Variants in PPFIBP1 observed in about 807,000 individuals in gnomAD.
The protein encoded by PPFIBP1 is PPFIB scaffold protein 1.
Under a neutral mutation model 137.8 loss-of-function variants are expected in PPFIBP1, and 112 were observed. The observed-to-expected ratio is 0.81, with a 90% confidence interval of 0.70 to 0.95. The LOEUF is 0.95. PPFIBP1 is among the 40% of genes least tolerant of loss of function. The pLI, the probability that PPFIBP1 is intolerant of heterozygous loss-of-function variation, is 0.00. For synonymous variants in PPFIBP1, 378 were observed against 417.3 expected (o/e 0.91, Z 1.15); for missense variants, 1,083 against 1,196.6 (o/e 0.91, Z 1.40).
Position 27,656,664 on chromosome 12 carries a change from G to A in PPFIBP1, c.745G>A (p.Val249Ile). 6.2e-7 allele frequency: 1 copy of A among 1,613,062 alleles called. No homozygotes were observed. Among genetic ancestry groups the A allele is most frequent in the Non-Finnish European group, 8.5e-7 (1 of 1,179,200 alleles). Residue 249 changes from valine (V) to isoleucine (I), a missense_variant, in exon 9 of 30, where the codon GTA (valine) becomes ATA (isoleucine). Val to Ile is a conservative substitution (Grantham distance 29, BLOSUM62 3). Coordinates refer to ENST00000228425, the MANE Select transcript of PPFIBP1 (RefSeq NM_003622.4). ...ACAACTAGAAGAAAAGGAATCTGAA[G>A]TAAAAAGGCTACAAGAAAAATTGGT... ...KEQLEEKESE[V>I]KRLQEKLVCK...
intron 1 of PPFIBP1, among the ~76,000 whole-genome samples, chr12:27,532,345 A>T (rs368450052): frequency 6.6e-6 from 1 of 152,122 alleles, no homozygotes; most frequent in Non-Finnish European, 1.5e-5. Context: ...GATGTCTATT[A>T]TATATATTTT....
intron 1 of PPFIBP1, among the ~76,000 whole-genome samples, chr12:27,531,128 C>G (rs1944371157): frequency 6.6e-6 from 1 of 152,128 alleles, no homozygotes; most frequent in East Asian, 1.9e-4. Flanking sequence ...AAAAACAGGA[C>G]TTTGGAGCCA....
At chr12:27,569,366 A>G (rs1392264193) in intron 1 of PPFIBP1, among the ~76,000 whole-genome samples, 1 of 152,210 alleles carries the variant, frequency 6.6e-6, no homozygotes, top group Non-Finnish European at 1.5e-5. Flanking sequence ...TCTTTCATAC[A>G]ACACAAATAG....
intron 1 of PPFIBP1, among the ~76,000 whole-genome samples, chr12:27,533,507 A>G (rs528395194): frequency 6.6e-6 from 1 of 152,328 alleles, no homozygotes; most frequent in African/African-American, 2.4e-5. Context: ...GAACTCAGGC[A>G]GGTGCAGCTC....
chr12:27,634,816 C>T (rs559595886), intron 3 of PPFIBP1, 94 bp from the exon 4 acceptor site: 5 of 999,518 alleles, frequency 5.0e-6, no homozygotes, highest in African/African-American at 1.6e-5. Context: ...TTTGATTGTT[C>T]CTTACTGTGA....
intron 1 of PPFIBP1, among the ~76,000 whole-genome samples, chr12:27,557,931 T>G (rs1380566028): frequency 6.6e-6 from 1 of 152,228 alleles, no homozygotes; most frequent in Admixed American, 6.5e-5. Context: ...TAGTTTTGTT[T>G]CCTGATAATC....
At chr12:27,671,332 TG>T in intron 13 of PPFIBP1, 98 bp from the exon 14 acceptor site, 1 of 645,406 alleles carries the variant, frequency 1.5e-6, no homozygotes, top group South Asian at 2.1e-5. Context: ...TATGAGATTT[TG>T]TCAATAGACC....
At position 27,558,495 on chromosome 12, in the gene PPFIBP1, CG is replaced by C. The variant is rs1207324469; in HGVS notation, c.-123-19656del. ...ACACACACACACACACACACACACA[CG>C]ATATTCTATATAGATCAAGAAATGT... On this transcript the variant is annotated intron_variant, in intron 1 of 29. Transcript: ENST00000228425. Among the ~76,000 whole-genome samples, 5 of 111,544 alleles carry C rather than the reference CG, an allele frequency of 4.5e-5. 1 individual carries two copies. Among genetic ancestry groups the C allele is most frequent in the Non-Finnish European group, 7.5e-5 (4 of 53,468 alleles). The allele number at this position is 111,544 out of a possible 152,430, so 73.2% of individuals were successfully genotyped here.
At position 27,677,088 on chromosome 12, in the gene PPFIBP1, C is replaced by T; in HGVS notation, c.1607C>T (p.Pro536Leu). ...NLDRKRSASA[P>L]TLAETEKETA... ...GATCGTAAACGAAGTGCCAGTGCAC[C>T]CACCCTAGGTATTGTACCCCTGCAT... The change falls in exon 19 of 30, where the codon CCC becomes CTC. Residue 536 changes from proline to leucine, a missense_variant. Physicochemically the swap from Pro to Leu is moderately conservative, Grantham distance 98. Coordinates refer to ENST00000228425, the MANE Select transcript of PPFIBP1 (RefSeq NM_003622.4). 1 of 1,614,096 alleles carries T rather than the reference C, an allele frequency of 6.2e-7. No homozygotes were observed. The highest frequency in any genetic ancestry group is 1.1e-5 in the South Asian group (1 of 91,066).
intron 1 of PPFIBP1, among the ~76,000 whole-genome samples, chr12:27,525,117 G>A (rs1220844827): frequency 6.6e-6 from 1 of 152,064 alleles, no homozygotes; most frequent in African/African-American, 2.4e-5. Context: ...TTTAGAGAAG[G>A]GAGTTTTAAC....
At chr12:27,670,182 T>A (rs2060093342) in intron 13 of PPFIBP1, among the ~76,000 whole-genome samples, 1 of 152,222 alleles carries the variant, frequency 6.6e-6, no homozygotes, top group Non-Finnish European at 1.5e-5. Flanking sequence ...ATCTAACTGC[T>A]CTACAGTTGT....
chr12:27,692,631 T>C lies in PPFIBP1; in HGVS notation c.2906T>C (p.Phe969Ser), dbSNP rs758163926. The change falls in exon 29 of 30, where the codon TTC becomes TCC. Residue 969 changes from phenylalanine to serine, a missense_variant. Coordinates refer to ENST00000228425, the MANE Select transcript of PPFIBP1 (RefSeq NM_003622.4). ...SEGTVRQIGA[F>S]SEGINNLTHM... ...GGGACAGTGAGACAGATAGGTGCAT[T>C]CTCTGAAGGCATCAACAATCTGACG... is the stretch of plus-strand genomic sequence containing the variant. The C allele has an allele frequency of 6.2e-7, 1 of 1,614,108 alleles. No individual in the cohort carries two copies. The highest frequency in any genetic ancestry group is 2.2e-5 in the East Asian group (1 of 44,890).
chr12:27,692,665 G>T lies in PPFIBP1; in HGVS notation c.2931+9G>T, dbSNP rs2061619739. The T allele has an allele frequency of 6.2e-7, 1 of 1,613,990 alleles. No homozygotes were observed. Among genetic ancestry groups the T allele is most frequent in the South Asian group, 1.1e-5 (1 of 91,074 alleles). On this transcript the variant is annotated intron_variant, in intron 29 of 29. Transcript: ENST00000228425. The stretch of plus-strand genomic sequence containing the variant: ...GCATCAACAATCTGACGGTGAGTTT[G>T]TGAAATGAATTGAAAATGTTATTCT...
At chr12:27,570,132 G>T (rs1035550699) in intron 1 of PPFIBP1, among the ~76,000 whole-genome samples, 1 of 151,984 alleles carries the variant, frequency 6.6e-6, no homozygotes, top group African/African-American at 2.4e-5. Flanking sequence ...TGCATTTTTG[G>T]TTACCATTGC....
In PPFIBP1 at chr12:27,654,776, G is replaced by A; in HGVS notation, c.658G>A (p.Glu220Lys). The A allele has an allele frequency of 6.2e-7, 1 of 1,612,276 alleles. No individual in the cohort carries two copies. Among genetic ancestry groups the A allele is most frequent in the Non-Finnish European group, 8.5e-7 (1 of 1,179,580 alleles). ...GTTAAAAGTTAGTGAAATGGACAGTGAGAGACTTCAGTATGAAAAAAAGCT... is the reference window on the plus strand; with the variant it reads ...GTTAAAAGTTAGTGAAATGGACAGTAAGAGACTTCAGTATGAAAAAAAGCT... ...LRLKVSEMDS[E>K]RLQYEKKLKS... The change falls in exon 8 of 30, where the codon GAG becomes AAG. Residue 220 changes from glutamate to lysine, a missense_variant. Coordinates refer to ENST00000228425, the MANE Select transcript of PPFIBP1 (RefSeq NM_003622.4).
chr12:27,584,417 G>T (rs1027629502), intron 2 of PPFIBP1: 1 of 152,382 alleles, frequency 6.6e-6, no homozygotes, highest in East Asian at 1.9e-4. Flanking sequence ...GCATCGTCTT[G>T]TTCAGCCTGC....
chr12:27,616,271 T>C (rs1037296868), intron 2 of PPFIBP1, among the ~76,000 whole-genome samples: 1 of 151,916 alleles, frequency 6.6e-6, no homozygotes, highest in Non-Finnish European at 1.5e-5. Flanking sequence ...ATCAGTATAT[T>C]TTGAGAACCC....
intron 2 of PPFIBP1, among the ~76,000 whole-genome samples, chr12:27,621,835 T>C (rs1285894711): frequency 1.3e-5 from 2 of 152,344 alleles, no homozygotes; most frequent in Non-Finnish European, 2.9e-5. Context: ...TTGCAGCTTT[T>C]TAATGCAGTG....
At chr12:27,674,731 A>G (rs1209354383) in intron 17 of PPFIBP1, among the ~76,000 whole-genome samples, 1 of 151,628 alleles carries the variant, frequency 6.6e-6, no homozygotes, top group East Asian at 1.9e-4. Flanking sequence ...ATTAGATTAT[A>G]CACCCGGTGC....
Sources: allele counts gnomAD v4.1 joint callset (sites outside exome capture counted in the v4.1 genomes callset), GRCh38; gene constraint gnomAD v4.1.1; transcripts MANE v1.5; gene names NCBI Gene and HGNC (gene_info 2026-07-23, HGNC 2026-07-21).